The following STK24 variants were observed in gnomAD, a reference collection of about 807,000 sequenced individuals.
STK24 encodes the protein serine/threonine-protein kinase 24.
In STK24, 21 loss-of-function variants were observed where a neutral mutation model predicts 55.6. The observed-to-expected ratio is 0.38, with a 90% CI of 0.27 to 0.54. The LOEUF (loss-of-function observed/expected upper bound fraction) is 0.54. Ranked by LOEUF, STK24 falls within the 20% of genes least tolerant of loss-of-function variation. STK24 has a pLI of 0.79. For missense variants in STK24, 383 were observed against 538.4 expected, an observed-to-expected ratio of 0.71 and a Z score of 2.86; for synonymous variants, 200 against 215.2, an observed-to-expected ratio of 0.93 and a Z score of 0.62.
In STK24 at chr13:98,447,006, C is replaced by G. The variant is rs1399189257; in HGVS notation, c.*6167G>C. ...CTCATGGCAGAAAGTGGGGTCCCAA[C>G]TTCCCTGCGCCCTTACCCTGCACGG... On this transcript the variant is annotated 3_prime_UTR_variant, in exon 11 of 11. Transcript: ENST00000539966. The G allele has an allele frequency of 5.0e-6, 3 of 602,268 alleles. No homozygotes were observed. Among genetic ancestry groups the G allele is most frequent in the Non-Finnish European group, 8.8e-6 (3 of 342,836 alleles). 37.3% of individuals were successfully genotyped at this position (602,268 alleles called of 1,614,324 possible).
chr13:98,517,685 T>C (rs1348812341), intron 2 of STK24, among the ~76,000 whole-genome samples: 2 of 152,144 alleles, frequency 1.3e-5, no homozygotes, highest in Non-Finnish European at 2.9e-5. Flanking sequence ...GGAAGTCACA[T>C]GTGTAGTGCT....
At chr13:98,466,255 G>T in intron 6 of STK24, 121 bp downstream of exon 6, 1 of 996,748 alleles carries the variant, frequency 1.0e-6, no homozygotes, top group Non-Finnish European at 1.4e-6. Flanking sequence ...CTTAGAAAAA[G>T]AAAAATGAAT....
intron 2 of STK24, among the ~76,000 whole-genome samples, chr13:98,493,698 A>G (rs1024965953): frequency 1.3e-5 from 2 of 152,184 alleles, no homozygotes; most frequent in Admixed American, 6.5e-5. Flanking sequence ...TGTTACAAAT[A>G]TCAATGAAAA....
chr13:98,451,846 CAG>C lies in STK24; in HGVS notation c.*1325_*1326del, dbSNP rs1303157119. On this transcript the variant is annotated 3_prime_UTR_variant, in exon 11 of 11. Transcript: ENST00000539966. ...AGGTCCCACAGCAAACCAAGAAAAA[CAG>C]ACACACTGGCTGCCTGCCTAGCAAG... 2 of 152,452 alleles carry C rather than the reference CAG, an allele frequency of 1.3e-5. No homozygotes were observed. The highest frequency in any genetic ancestry group is 1.9e-4 in the East Asian group (1 of 5,192). 9.4% of individuals were successfully genotyped at this position (152,452 alleles called of 1,614,324 possible).
chr13:98,503,024 G>GTTTTTTTT lies in STK24; in HGVS notation c.273+16211_273+16218dup, dbSNP rs398038978. ...AATATATTAGAAATACTTTCCATGT[G>GTTTTTTTT]TTTTTTTTTTTTTTTTTCAGTATGG... On this transcript the variant is annotated intron_variant, in intron 2 of 10. Transcript: ENST00000539966. Among the ~76,000 whole-genome samples the GTTTTTTTT allele has an allele frequency of 4.3e-3, 456 of 106,960 alleles. 22 individuals carry two copies. Among genetic ancestry groups the GTTTTTTTT allele is most frequent in the South Asian group, 7.4e-3 (25 of 3,368 alleles). The allele number at this position is 106,960 out of a possible 152,430, so 70.2% of individuals were successfully genotyped here.
chr13:98,522,114 AATGTC>A, intron 1 of STK24: 2 of 1,293,330 alleles, frequency 1.5e-6, no homozygotes, highest in South Asian at 1.8e-5. Context: ...CCAGTGCTGC[AATGTC>A]GTGTCTGAGC....
chr13:98,576,587 G>A (rs1334421209), intron 1 of STK24, among the ~76,000 whole-genome samples, 158 bp downstream of exon 1: 1 of 151,752 alleles, frequency 6.6e-6, no homozygotes, highest in African/African-American at 2.4e-5. Flanking sequence ...GACGCCCAGG[G>A]ACTCGGACTC....
chr13:98,541,269 A>T (rs1896882866), intron 1 of STK24, among the ~76,000 whole-genome samples: 1 of 152,130 alleles, frequency 6.6e-6, no homozygotes, highest in African/African-American at 2.4e-5. Context: ...GGAAATAAAA[A>T]CGCTCTTCCT....
chr13:98,545,108 CCTAGGTA>C (rs1224582316), intron 1 of STK24, among the ~76,000 whole-genome samples: 1 of 152,160 alleles, frequency 6.6e-6, no homozygotes, highest in African/African-American at 2.4e-5. Flanking sequence ...CTGCAAACTA[CCTAGGTA>C]GACATCAATG....
chr13:98,536,289 A>T (rs190109270), intron 1 of STK24, among the ~76,000 whole-genome samples: 52 of 152,248 alleles, frequency 3.4e-4, no homozygotes, highest in African/African-American at 1.2e-3. Context: ...AACACACTTC[A>T]GTAGGGGCCA....
At chr13:98,529,844 G>A (rs1045791419) in intron 1 of STK24, among the ~76,000 whole-genome samples, 3 of 152,120 alleles carry the variant, frequency 2.0e-5, no homozygotes, top group Admixed American at 2.0e-4. Flanking sequence ...AATGATGCTG[G>A]GAACTACAGA....
intron 2 of STK24, among the ~76,000 whole-genome samples, chr13:98,512,884 T>C (rs1895934196): frequency 6.6e-6 from 1 of 152,242 alleles, no homozygotes; most frequent in African/African-American, 2.4e-5. Flanking sequence ...CCCTCTCATC[T>C]GTGGTGTCTT....
chr13:98,509,376 TGA>T (rs1247301055), intron 2 of STK24, among the ~76,000 whole-genome samples: 2 of 151,996 alleles, frequency 1.3e-5, no homozygotes, highest in Non-Finnish European at 2.9e-5. Context: ...GTGAAAACCA[TGA>T]GATACTGCTT....
chr13:98,484,054 G>A (rs1363656344), intron 2 of STK24, among the ~76,000 whole-genome samples: 1 of 152,242 alleles, frequency 6.6e-6, no homozygotes, highest in African/African-American at 2.4e-5. Context: ...CAGAGGGACA[G>A]GCATGTCGCT....
In STK24 at chr13:98,449,753, GT is replaced by G. The variant is rs1352427683; in HGVS notation, c.*3419del. ...TCACGCCACAATCCAGCATATTGATGTTTTAAGGCAAAACAACCAACTTTGT... is the reference window on the plus strand; with the variant it reads ...TCACGCCACAATCCAGCATATTGATGTTTAAGGCAAAACAACCAACTTTGT... On this transcript the variant is annotated 3_prime_UTR_variant, in exon 11 of 11. Coordinates refer to ENST00000539966, the MANE Select transcript of STK24 (RefSeq NM_001032296.4). 3 of 144,136 alleles carry G rather than the reference GT, an allele frequency of 2.1e-5. No individual in the cohort carries two copies. Among genetic ancestry groups the G allele is most frequent in the African/African-American group, 7.7e-5 (3 of 39,172 alleles). The allele number at this position is 144,136 out of a possible 1,614,324, so 8.9% of individuals were successfully genotyped here. A position where few individuals can be genotyped will look rare whatever the true frequency, so the allele number is the denominator to read the frequency against.
chr13:98,514,606 G>T (rs993103342), intron 2 of STK24, among the ~76,000 whole-genome samples: 2 of 152,146 alleles, frequency 1.3e-5, no homozygotes, highest in African/African-American at 2.4e-5. Flanking sequence ...ATCTGAATCC[G>T]CAATGAGACA....
intron 9 of STK24, among the ~76,000 whole-genome samples, chr13:98,458,081 G>A (rs1893541691): frequency 6.6e-6 from 1 of 152,230 alleles, no homozygotes; most frequent in African/African-American, 2.4e-5. Flanking sequence ...CCAGAGTAGA[G>A]TCAAAATATT....
chr13:98,522,794 G>A (rs1896309291), intron 1 of STK24, among the ~76,000 whole-genome samples: 1 of 152,118 alleles, frequency 6.6e-6, no homozygotes, highest in Non-Finnish European at 1.5e-5. Context: ...AACATCCCCT[G>A]AGCAATAAGA....
At chr13:98,479,899 T>C (rs142004052) in intron 3 of STK24, among the ~76,000 whole-genome samples, 1 of 151,394 alleles carries the variant, frequency 6.6e-6, no homozygotes, top group South Asian at 2.1e-4. Flanking sequence ...ACATCAGAGG[T>C]TGGTAGAGGA....
Sources: allele counts gnomAD v4.1 joint callset (sites outside exome capture counted in the v4.1 genomes callset), GRCh38; gene constraint gnomAD v4.1.1; transcripts MANE v1.5; gene names NCBI Gene and HGNC (gene_info 2026-07-23, HGNC 2026-07-21).